The following LRMDA variants were observed in gnomAD, a reference collection of about 807,000 sequenced individuals.
LRMDA encodes leucine-rich melanocyte differentiation-associated protein.
A neutral mutation model predicts 29.8 loss-of-function variants in LRMDA; 18 were observed. The ratio of observed to expected loss-of-function variants is 0.60; its 90% CI spans 0.42 to 0.90. The LOEUF is 0.90. Among genes scored for constraint, LRMDA ranks in the 40% least tolerant of loss-of-function variants. LRMDA has a pLI of 0.00. For synonymous variants in LRMDA, 125 were observed against 109.4 expected (o/e 1.14, Z -0.89); for missense variants, 273 against 273.9 (o/e 1.00, Z 0.02).
chr10:75,503,516 T>C (rs1462005734), intron 2 of LRMDA, among the ~76,000 whole-genome samples: 1 of 151,926 alleles, frequency 6.6e-6, no homozygotes, highest in Non-Finnish European at 1.5e-5. Context: ...ATGAATCTGG[T>C]ATGCCCTATT....
intron 6 of LRMDA, among the ~76,000 whole-genome samples, chr10:76,419,860 G>A (rs1052222164): frequency 6.6e-6 from 1 of 151,930 alleles, no homozygotes; most frequent in Non-Finnish European, 1.5e-5. Flanking sequence ...TTTTCTCCCA[G>A]TCTTTTAAAC....
intron 2 of LRMDA, among the ~76,000 whole-genome samples, chr10:75,695,457 GA>G: frequency 6.6e-6 from 1 of 151,644 alleles, no homozygotes; most frequent in South Asian, 2.1e-4. Context: ...TGTTGCCCCA[GA>G]GCTTTTTGAA....
At chr10:76,117,387 C>A (rs1849684690) in intron 5 of LRMDA, among the ~76,000 whole-genome samples, 1 of 152,166 alleles carries the variant, frequency 6.6e-6, no homozygotes, top group Non-Finnish European at 1.5e-5. Flanking sequence ...TGTTGTGGGA[C>A]AAACTGGGAG....
chr10:75,873,460 A>T (rs1845146123), intron 2 of LRMDA, among the ~76,000 whole-genome samples: 1 of 152,232 alleles, frequency 6.6e-6, no homozygotes, highest in African/African-American at 2.4e-5. Flanking sequence ...TTTGAGAAGA[A>T]TATAAGCCAT....
intron 2 of LRMDA, among the ~76,000 whole-genome samples, chr10:75,522,288 C>CT (rs1334514244): frequency 6.6e-6 from 1 of 152,144 alleles, no homozygotes; most frequent in African/African-American, 2.4e-5. Flanking sequence ...ATTTGGGAGT[C>CT]TGAGGCCACT....
chr10:76,420,118 A>G (rs888415644), intron 6 of LRMDA, among the ~76,000 whole-genome samples: 3 of 151,952 alleles, frequency 2.0e-5, no homozygotes, highest in East Asian at 1.9e-4. Flanking sequence ...TCTTTGGAAG[A>G]GTTCATTTAA....
At chr10:76,237,650 A>T (rs1447724315) in intron 5 of LRMDA, among the ~76,000 whole-genome samples, 1 of 152,100 alleles carries the variant, frequency 6.6e-6, no homozygotes, top group Non-Finnish European at 1.5e-5. Context: ...CAGCCCTGAG[A>T]TCAGTTGTTG....
intron 5 of LRMDA, among the ~76,000 whole-genome samples, chr10:76,283,175 C>T (rs950034677): frequency 3.3e-5 from 5 of 152,172 alleles, no homozygotes; most frequent in Non-Finnish European, 7.4e-5. Context: ...GGAATAAACT[C>T]TGCAATGAGT....
intron 5 of LRMDA, among the ~76,000 whole-genome samples, chr10:76,144,982 T>G (rs1201911736): frequency 1.3e-5 from 2 of 152,252 alleles, no homozygotes; most frequent in African/African-American, 4.8e-5. Context: ...TCTGTTTATA[T>G]GCTGGATTAC....
intron 5 of LRMDA, among the ~76,000 whole-genome samples, chr10:76,246,240 G>A (rs140124972): frequency 4.6e-5 from 7 of 152,294 alleles, no homozygotes; most frequent in African/African-American, 1.4e-4. Flanking sequence ...GGAGGGGTGA[G>A]TTTGGTCTGA....
At chr10:76,407,222 G>A (rs556777397) in intron 6 of LRMDA, among the ~76,000 whole-genome samples, 160 of 152,286 alleles carry the variant, frequency 1.1e-3, no homozygotes, top group Non-Finnish European at 1.8e-3. Context: ...TCAAAGTTGC[G>A]GATATGTCTT....
chr10:75,484,084 T>A (rs1844883129), intron 2 of LRMDA, among the ~76,000 whole-genome samples: 1 of 152,080 alleles, frequency 6.6e-6, no homozygotes, highest in African/African-American at 2.4e-5. Flanking sequence ...GCCTCCCAAG[T>A]AGCTGGGACT....
chr10:75,530,793 A>G (rs2132042805), intron 2 of LRMDA, among the ~76,000 whole-genome samples: 1 of 152,226 alleles, frequency 6.6e-6, no homozygotes, highest in South Asian at 2.1e-4. Flanking sequence ...TTGGGAGTGG[A>G]ACCTAAAGGT....
intron 6 of LRMDA, among the ~76,000 whole-genome samples, chr10:76,410,127 G>A (rs1371839562): frequency 6.6e-6 from 1 of 152,006 alleles, no homozygotes; most frequent in Admixed American, 6.6e-5. Context: ...GCACGGAATT[G>A]TAGTTTGGCC....
chr10:75,992,393 T>A (rs1340997717), intron 2 of LRMDA, among the ~76,000 whole-genome samples: 1 of 152,184 alleles, frequency 6.6e-6, no homozygotes, highest in Non-Finnish European at 1.5e-5. Context: ...CGGGGAAGAA[T>A]GTCCTTGCCA....
chr10:75,742,619 GTCC>G (rs1179106139), intron 2 of LRMDA: 6 of 152,392 alleles, frequency 3.9e-5, no homozygotes, highest in African/African-American at 1.4e-4. Context: ...AAGGACTCAT[GTCC>G]TCCATCCCTG....
chr10:75,658,229 C>T (rs898078833), intron 2 of LRMDA, among the ~76,000 whole-genome samples: 4 of 148,656 alleles, frequency 2.7e-5, no homozygotes, highest in African/African-American at 7.5e-5. Flanking sequence ...GCCTTTTTCA[C>T]TGCACGCTGT....
At chr10:75,882,121 G>A (rs1238007257) in intron 2 of LRMDA, among the ~76,000 whole-genome samples, 1 of 152,194 alleles carries the variant, frequency 6.6e-6, no homozygotes, top group Non-Finnish European at 1.5e-5. Flanking sequence ...GGAGTTTGGT[G>A]ATTATGAGGA....
At chr10:76,429,838 A>G (rs1589182300) in intron 6 of LRMDA, among the ~76,000 whole-genome samples, 1 of 152,124 alleles carries the variant, frequency 6.6e-6, no homozygotes, top group African/African-American at 2.4e-5. Context: ...AATGCAGAAA[A>G]GGCGCCTGCC....
Sources: allele counts gnomAD v4.1 joint callset (sites outside exome capture counted in the v4.1 genomes callset), GRCh38; gene constraint gnomAD v4.1.1; transcripts MANE v1.5; gene names NCBI Gene and HGNC (gene_info 2026-07-23, HGNC 2026-07-21).